Variants in RORA observed in about 807,000 individuals in gnomAD.
The protein encoded by RORA is RAR related orphan receptor A.
RORA carries 7 observed loss-of-function variants against 69.5 expected under a neutral mutation model. The ratio of observed to expected loss-of-function variants is 0.10; its 90% CI spans 0.06 to 0.19. The LOEUF is 0.19. RORA is among the 10% of genes least tolerant of loss of function. The pLI, the probability that RORA is intolerant of heterozygous loss-of-function variation, is 1.00. For synonymous variants in RORA, 261 were observed against 240.8 expected, an observed-to-expected ratio of 1.08 and a Z score of -0.78; for missense variants, 457 against 663.0, an observed-to-expected ratio of 0.69 and a Z score of 3.41.
intron 1 of RORA, among the ~76,000 whole-genome samples, chr15:60,831,448 T>C (rs2073040952): frequency 6.6e-6 from 1 of 152,166 alleles, no homozygotes; most frequent in Non-Finnish European, 1.5e-5. Flanking sequence ...ACATCTCTCC[T>C]AGAAAGCTAT....
chr15:61,224,644 A>T (rs1207423517), intron 1 of RORA, among the ~76,000 whole-genome samples: 1 of 152,222 alleles, frequency 6.6e-6, no homozygotes, highest in Non-Finnish European at 1.5e-5. Flanking sequence ...TCCAAGGAAA[A>T]GAACCCATGG....
intron 2 of RORA, chr15:60,593,120 T>G (rs535551073): frequency 3.1e-6 from 1 of 320,456 alleles, no homozygotes; most frequent in South Asian, 2.3e-5. Flanking sequence ...GAAGTCTTTC[T>G]GGAGAGACTC....
intron 2 of RORA, chr15:60,592,650 AGGCGG>A: frequency 9.0e-7 from 1 of 1,115,504 alleles, no homozygotes; most frequent in Non-Finnish European, 1.1e-6. Context: ...GGGAGGCGGG[AGGCGG>A]GAGGCAGGCG....
intron 2 of RORA, among the ~76,000 whole-genome samples, chr15:60,543,435 C>T (rs2066966323): frequency 1.3e-5 from 2 of 152,050 alleles, no homozygotes; most frequent in South Asian, 4.1e-4. Flanking sequence ...TCAGTGCCCA[C>T]CACATAGTAA....
intron 1 of RORA, among the ~76,000 whole-genome samples, chr15:60,718,646 G>A (rs1421976462): frequency 1.3e-5 from 2 of 152,170 alleles, no homozygotes; most frequent in Non-Finnish European, 2.9e-5. Flanking sequence ...GAGTGGAGTA[G>A]TGAGAAATTA....
chr15:60,913,683 C>T (rs576400804), intron 1 of RORA, among the ~76,000 whole-genome samples: 60 of 152,230 alleles, frequency 3.9e-4, no homozygotes, highest in Middle Eastern at 3.4e-3. Context: ...GCAGCAGACA[C>T]GGTTAAAGAA....
chr15:61,051,711 A>G (rs2078017071), intron 1 of RORA, among the ~76,000 whole-genome samples: 1 of 152,112 alleles, frequency 6.6e-6, no homozygotes, highest in Admixed American at 6.5e-5. Context: ...AAGGACTGGT[A>G]TTTGCTATTT....
At chr15:60,808,172 TA>T (rs143663287) in intron 1 of RORA, among the ~76,000 whole-genome samples, 10,326 of 152,162 alleles carry the variant, frequency 0.068, 479 homozygotes, top group African/African-American at 0.12. Context: ...TCACAGTGTA[TA>T]CTTCTGACAA....
At chr15:60,709,936 GC>G (rs2071120716) in intron 1 of RORA, among the ~76,000 whole-genome samples, 1 of 152,070 alleles carries the variant, frequency 6.6e-6, no homozygotes, top group Admixed American at 6.6e-5. Flanking sequence ...AGACCACCCT[GC>G]CTCTGTATGC....
chr15:60,519,461 A>G (rs1289436546), intron 3 of RORA, among the ~76,000 whole-genome samples: 2 of 152,218 alleles, frequency 1.3e-5, no homozygotes, highest in African/African-American at 2.4e-5. Context: ...GTTTAACTCC[A>G]GAACTTACAC....
intron 2 of RORA, among the ~76,000 whole-genome samples, chr15:60,573,479 T>C (rs138587547): frequency 1.1e-4 from 17 of 152,308 alleles, no homozygotes; most frequent in African/African-American, 4.1e-4. Flanking sequence ...ACTGAGAATA[T>C]CTGATTGTTT....
At chr15:60,510,424 A>G (rs536731442) in intron 5 of RORA, 1 of 152,372 alleles carries the variant, frequency 6.6e-6, no homozygotes, top group Non-Finnish European at 1.5e-5. Flanking sequence ...TCTCCCAAGA[A>G]GCAGTAATGT....
intron 1 of RORA, among the ~76,000 whole-genome samples, chr15:61,191,200 C>G (rs976081691): frequency 1.3e-5 from 2 of 152,156 alleles, no homozygotes; most frequent in Non-Finnish European, 2.9e-5. Flanking sequence ...ATAGGAATAG[C>G]TGCACTTTCC....
intron 3 of RORA, 91 bp from the exon 4 acceptor site, chr15:60,514,848 AT>A: frequency 2.2e-6 from 2 of 910,264 alleles, no homozygotes; most frequent in Non-Finnish European, 3.4e-6. Context: ...AGTGGCATTA[AT>A]ATTTAATGGA....
chr15:61,157,776 G>A (rs945210434), intron 1 of RORA, among the ~76,000 whole-genome samples: 2 of 152,182 alleles, frequency 1.3e-5, no homozygotes, highest in South Asian at 2.1e-4. Context: ...CCACACAGTA[G>A]GCTGTTATTA....
intron 1 of RORA, among the ~76,000 whole-genome samples, chr15:60,869,637 T>C (rs1206297948): frequency 6.6e-6 from 1 of 152,194 alleles, no homozygotes; most frequent in East Asian, 1.9e-4. Context: ...TAAACATTTG[T>C]TAAAAGTTTA....
chr15:60,810,393 T>C (rs1347096111), intron 1 of RORA, among the ~76,000 whole-genome samples: 1 of 152,116 alleles, frequency 6.6e-6, no homozygotes, highest in Non-Finnish European at 1.5e-5. Context: ...AAGGGCCTTC[T>C]TGTGTTTGGT....
rs190112016 is a variant in RORA, at chr15:61,037,683, G to A, written c.166+191370C>T. 9.2e-5 allele frequency among the ~76,000 whole-genome samples: 14 copies of A among 152,284 alleles called. No homozygotes were observed. In the South Asian group the frequency reaches 2.3e-3, roughly 25 times the overall value. On this transcript the variant is annotated intron_variant, in intron 1 of 10. Transcript: ENST00000335670. ...TGTATCAGAGATTCACCTAGATGCT[G>A]AGGATAATACAAAGAGCAACAAGAA...
chr15:60,922,952 G>T (rs1366702677), intron 1 of RORA, among the ~76,000 whole-genome samples: 1 of 152,184 alleles, frequency 6.6e-6, no homozygotes, highest in Non-Finnish European at 1.5e-5. Context: ...GGGTATTTCC[G>T]GGAAGACAGA....
Sources: allele counts gnomAD v4.1 joint callset (sites outside exome capture counted in the v4.1 genomes callset), GRCh38; gene constraint gnomAD v4.1.1; transcripts MANE v1.5; gene names NCBI Gene and HGNC (gene_info 2026-07-23, HGNC 2026-07-21).